CACNA2D3: variants seen among roughly 807,000 people sequenced by gnomAD.
CACNA2D3 encodes calcium voltage-gated channel auxiliary subunit alpha2delta 3, also known as voltage-dependent calcium channel subunit alpha-2/delta-3.
Under a neutral mutation model 160.6 loss-of-function variants are expected in CACNA2D3, and 60 were observed. The ratio of observed to expected loss-of-function variants is 0.37; its 90% confidence interval spans 0.30 to 0.46. The LOEUF is 0.46. CACNA2D3 is among the 20% of genes least tolerant of loss of function. The pLI is 1.00. For synonymous variants in CACNA2D3, 558 were observed against 492.9 expected (o/e 1.13, Z -1.75); for missense variants, 1,205 against 1,365.0 (o/e 0.88, Z 1.85).
At chr3:54,641,421 T>G (rs974863606) in intron 10 of CACNA2D3, among the ~76,000 whole-genome samples, 2 of 152,172 alleles carry the variant, frequency 1.3e-5, no homozygotes, top group African/African-American at 2.4e-5. Flanking sequence ...GGTTTTGTTA[T>G]GTAGATGAAG....
At chr3:54,934,865 G>C (rs2106965969) in intron 27 of CACNA2D3, among the ~76,000 whole-genome samples, 1 of 152,206 alleles carries the variant, frequency 6.6e-6, no homozygotes, top group South Asian at 2.1e-4. Flanking sequence ...CCGAGTAGCT[G>C]GGATTACAGG....
At position 54,381,823 on chromosome 3, in the gene CACNA2D3, T is replaced by G. The variant is rs528389261; in HGVS notation, c.322-4892T>G. ...TTCTAGCATTGTCTATTTATACAAA[T>G]GGCTCTTGTTTGTATTTATTTCACT... is the stretch of plus-strand genomic sequence containing the variant. On this transcript the variant is annotated intron_variant, in intron 3 of 37. Transcript: ENST00000474759. Among the ~76,000 whole-genome samples the G allele has an allele frequency of 3.9e-5, 6 of 152,338 alleles. No homozygotes were observed. The East Asian group carries it at 1.2e-3, about 29-fold the overall frequency.
chr3:54,533,421 A>G (rs1391051126), intron 5 of CACNA2D3, among the ~76,000 whole-genome samples: 1 of 139,616 alleles, frequency 7.2e-6, no homozygotes, highest in African/African-American at 2.7e-5. Context: ...TGCAACCTCC[A>G]TCTCCCAGGT....
At chr3:54,371,986 C>T (rs923506453) in intron 3 of CACNA2D3, among the ~76,000 whole-genome samples, 5 of 152,254 alleles carry the variant, frequency 3.3e-5, no homozygotes, top group South Asian at 2.1e-4. Flanking sequence ...CTGGCCCAGA[C>T]CTCTCTGTGT....
chr3:54,291,042 A>G (rs185988392), intron 2 of CACNA2D3, among the ~76,000 whole-genome samples: 1 of 152,282 alleles, frequency 6.6e-6, no homozygotes, highest in Non-Finnish European at 1.5e-5. Context: ...ATGTACCCTA[A>G]AACTTAAAGT....
intron 2 of CACNA2D3, among the ~76,000 whole-genome samples, chr3:54,143,778 C>A (rs531308559): frequency 6.6e-6 from 1 of 152,162 alleles, no homozygotes; most frequent in Non-Finnish European, 1.5e-5. Context: ...GAATTACAGG[C>A]ATGAGCCACC....
At chr3:54,420,647 C>T (rs1699823458) in intron 4 of CACNA2D3, among the ~76,000 whole-genome samples, 1 of 152,120 alleles carries the variant, frequency 6.6e-6, no homozygotes, top group African/African-American at 2.4e-5. Context: ...GGGGTTATGA[C>T]CATCAAATTG....
At chr3:54,815,541 C>G (rs966451535) in intron 13 of CACNA2D3, among the ~76,000 whole-genome samples, 8 of 152,298 alleles carry the variant, frequency 5.3e-5, no homozygotes, top group African/African-American at 1.7e-4. Context: ...TTTGCATTTT[C>G]TAGCACTTCT....
intron 4 of CACNA2D3, among the ~76,000 whole-genome samples, chr3:54,402,153 A>G (rs896109925): frequency 6.6e-6 from 1 of 152,172 alleles, no homozygotes; most frequent in Non-Finnish European, 1.5e-5. Flanking sequence ...AGAGAAAAGA[A>G]TAAAAACTTA....
At chr3:54,227,532 A>G (rs1303057412) in intron 2 of CACNA2D3, among the ~76,000 whole-genome samples, 1 of 119,128 alleles carries the variant, frequency 8.4e-6, no homozygotes, top group South Asian at 2.7e-4. Flanking sequence ...AGAGCCAAAC[A>G]TTTCAGCTAT....
chr3:54,144,765 A>G (rs1437545081), intron 2 of CACNA2D3, among the ~76,000 whole-genome samples: 3 of 152,230 alleles, frequency 2.0e-5, no homozygotes, highest in Non-Finnish European at 2.9e-5. Flanking sequence ...CGGAGTTATT[A>G]TGAGGATTAA....
chr3:54,695,672 T>G (rs1366900183), intron 11 of CACNA2D3, among the ~76,000 whole-genome samples: 1 of 152,214 alleles, frequency 6.6e-6, no homozygotes, highest in Non-Finnish European at 1.5e-5. Flanking sequence ...AATTTGCAAT[T>G]CTTTCATTAC....
At chr3:54,661,273 G>A (rs1276087420) in intron 11 of CACNA2D3, among the ~76,000 whole-genome samples, 1 of 152,026 alleles carries the variant, frequency 6.6e-6, no homozygotes, top group Non-Finnish European at 1.5e-5. Flanking sequence ...TCTATGAATC[G>A]GACCCTCAAA....
At chr3:54,150,005 C>T (rs568407280) in intron 2 of CACNA2D3, among the ~76,000 whole-genome samples, 4 of 139,220 alleles carry the variant, frequency 2.9e-5, no homozygotes, top group African/African-American at 8.0e-5. Flanking sequence ...CTGTTTCTCT[C>T]TTTATCTCTC....
chr3:54,350,793 T>TCTAC, intron 3 of CACNA2D3, among the ~76,000 whole-genome samples: 1 of 152,126 alleles, frequency 6.6e-6, no homozygotes, highest in East Asian at 1.9e-4. Context: ...CAATGTGTTC[T>TCTAC]CTACCTGTCT....
chr3:54,277,004 C>G (rs1702758765), intron 2 of CACNA2D3, among the ~76,000 whole-genome samples: 1 of 152,210 alleles, frequency 6.6e-6, no homozygotes, highest in Non-Finnish European at 1.5e-5. Context: ...TTTTCAAATT[C>G]AGGGCCTGTC....
chr3:54,956,568 C>A (rs760068970), intron 27 of CACNA2D3, among the ~76,000 whole-genome samples: 1 of 152,144 alleles, frequency 6.6e-6, no homozygotes, highest in East Asian at 1.9e-4. Flanking sequence ...CTTTCTCCCC[C>A]ACTCCCTCTT....
At chr3:54,197,559 T>A (rs1356023940) in intron 2 of CACNA2D3, 1 of 152,258 alleles carries the variant, frequency 6.6e-6, no homozygotes, top group Non-Finnish European at 1.5e-5. Flanking sequence ...GGTTTGGTAC[T>A]GATCTCTTGA....
intron 4 of CACNA2D3, among the ~76,000 whole-genome samples, chr3:54,422,212 C>T (rs1699846259): frequency 6.6e-6 from 1 of 152,206 alleles, no homozygotes; most frequent in South Asian, 2.1e-4. Flanking sequence ...CTTCACCCCT[C>T]ATGGTGGTTT....
Sources: gnomAD v4.1 joint callset for allele counts (sites outside exome capture counted in the v4.1 genomes callset) on GRCh38, gnomAD v4.1.1 for gene constraint, MANE v1.5 for transcripts, NCBI Gene and HGNC (gene_info 2026-07-23, HGNC 2026-07-21) for gene names.